The following ADK variants were observed in gnomAD, a reference collection of about 807,000 sequenced individuals.
The protein encoded by ADK is N6,N6-dimethyladenosine kinase.
ADK carries 24 observed loss-of-function variants against 44.7 expected under a neutral mutation model. The observed-to-expected ratio is 0.54, with a 90% CI of 0.39 to 0.76. The LOEUF (loss-of-function observed/expected upper bound fraction) is 0.76, where lower values mean the gene tolerates loss of function less well. Ranked by LOEUF, ADK falls within the 30% of genes least tolerant of loss-of-function variation. The pLI is 0.00. For missense variants in ADK, 321 were observed against 425.1 expected, an observed-to-expected ratio of 0.76 and a Z score of 2.15; for synonymous variants, 128 against 142.6, an observed-to-expected ratio of 0.90 and a Z score of 0.73.
At chr10:74,441,172 C>T (rs1461230157) in intron 6 of ADK, among the ~76,000 whole-genome samples, 3 of 152,134 alleles carry the variant, frequency 2.0e-5, no homozygotes, top group Non-Finnish European at 2.9e-5. Flanking sequence ...TTTTAATAAG[C>T]ACTTGAAAAG....
intron 1 of ADK, among the ~76,000 whole-genome samples, chr10:74,156,873 G>A (rs1164025098): frequency 6.6e-6 from 1 of 152,144 alleles, no homozygotes; most frequent in Non-Finnish European, 1.5e-5. Flanking sequence ...AAAAGGAAAG[G>A]AAAAGATATA....
intron 1 of ADK, chr10:74,176,673 G>A (rs1842350037): frequency 1.4e-6 from 2 of 1,429,760 alleles, no homozygotes; most frequent in Non-Finnish European, 1.8e-6. Context: ...CCCTTCGCAC[G>A]GGGCGGAGCG....
chr10:74,396,748 G>A (rs1843527143), intron 5 of ADK, among the ~76,000 whole-genome samples: 1 of 88,816 alleles, frequency 1.1e-5, no homozygotes, highest in African/African-American at 2.8e-5. Flanking sequence ...GAGGCCAGGA[G>A]TTTGAGACCA....
intron 4 of ADK, among the ~76,000 whole-genome samples, chr10:74,385,592 G>C (rs1200949570): frequency 2.0e-5 from 3 of 152,098 alleles, no homozygotes; most frequent in Non-Finnish European, 4.4e-5. Context: ...ACAAATATTG[G>C]TGGAATGAAT....
intron 10 of ADK, among the ~76,000 whole-genome samples, chr10:74,677,425 C>G (rs1855432210): frequency 6.6e-6 from 1 of 152,156 alleles, no homozygotes; most frequent in African/African-American, 2.4e-5. Context: ...CTATCCTCAC[C>G]TTGTTTCTTT....
chr10:74,484,394 T>C (rs2133365154), intron 6 of ADK, among the ~76,000 whole-genome samples: 1 of 152,308 alleles, frequency 6.6e-6, no homozygotes, highest in South Asian at 2.1e-4. Context: ...AATAAACACG[T>C]GATTCGGATG....
chr10:74,365,033 T>C (rs946411075), intron 4 of ADK, among the ~76,000 whole-genome samples: 2 of 152,318 alleles, frequency 1.3e-5, no homozygotes, highest in East Asian at 3.9e-4. Context: ...AAACAAATTT[T>C]GTAATACCAT....
intron 4 of ADK, among the ~76,000 whole-genome samples, chr10:74,345,948 G>A (rs1480829987): frequency 6.6e-6 from 1 of 152,164 alleles, no homozygotes. Context: ...AGGCTGAAGT[G>A]CAGTGGTGTG....
intron 4 of ADK, among the ~76,000 whole-genome samples, chr10:74,358,590 C>G (rs1009300335): frequency 2.0e-5 from 3 of 152,174 alleles, no homozygotes; most frequent in African/African-American, 4.8e-5. Flanking sequence ...TCCATACCCA[C>G]GTAAGTAGAT....
At chr10:74,247,378 A>C (rs2132323831) in intron 3 of ADK, among the ~76,000 whole-genome samples, 1 of 151,648 alleles carries the variant, frequency 6.6e-6, no homozygotes, top group South Asian at 2.1e-4. Context: ...ACCTGGGACT[A>C]CAGGCACGTG....
At chr10:74,635,921 C>CAAAAAAAA (rs11294383) in intron 9 of ADK, among the ~76,000 whole-genome samples, 1 of 129,608 alleles carries the variant, frequency 7.7e-6, no homozygotes. Flanking sequence ...CCATCTCTAC[C>CAAAAAAAA]AAAAAAAAAA....
chr10:74,700,088 T>G (rs1281627196), intron 10 of ADK, among the ~76,000 whole-genome samples: 2 of 152,334 alleles, frequency 1.3e-5, no homozygotes, highest in East Asian at 3.9e-4. Context: ...TTTTATTCAT[T>G]GTAGCATTGT....
At chr10:74,460,455 T>C (rs1267376809) in intron 6 of ADK, among the ~76,000 whole-genome samples, 3 of 152,222 alleles carry the variant, frequency 2.0e-5, no homozygotes, top group Non-Finnish European at 4.4e-5. Flanking sequence ...GTATTATTGC[T>C]TGTAATACCT....
At chr10:74,245,584 TTTTG>T (rs1171576159) in intron 3 of ADK, among the ~76,000 whole-genome samples, 2 of 84,784 alleles carry the variant, frequency 2.4e-5, no homozygotes, top group African/African-American at 9.6e-5. Context: ...ATTCCATAGT[TTTTG>T]TTTTTGTTTT....
At chr10:74,474,445 CTTTCT>C (rs1025827462) in intron 6 of ADK, among the ~76,000 whole-genome samples, 2 of 151,764 alleles carry the variant, frequency 1.3e-5, no homozygotes, top group African/African-American at 4.9e-5. Context: ...TCTTTTCTTT[CTTTCT>C]TTTCTTTTCC....
intron 9 of ADK, among the ~76,000 whole-genome samples, chr10:74,617,296 G>A (rs145525065): frequency 8.4e-4 from 128 of 152,196 alleles, no homozygotes; most frequent in African/African-American, 2.9e-3. Context: ...AAAGGATAAT[G>A]TTTGCTATAG....
chr10:74,219,412 T>G (rs997699821), intron 2 of ADK, among the ~76,000 whole-genome samples: 2 of 152,090 alleles, frequency 1.3e-5, no homozygotes, highest in Admixed American at 1.3e-4. Flanking sequence ...TCCCACACAT[T>G]AATAATGGGA....
chr10:74,603,066 A>C (rs749711490), intron 9 of ADK, among the ~76,000 whole-genome samples: 6 of 152,074 alleles, frequency 3.9e-5, no homozygotes, highest in Non-Finnish European at 8.8e-5. Context: ...AAGAGATGCC[A>C]ATTTGTTATT....
intron 1 of ADK, among the ~76,000 whole-genome samples, chr10:74,193,061 A>G (rs1263985206): frequency 1.3e-5 from 2 of 152,092 alleles, no homozygotes; most frequent in Non-Finnish European, 2.9e-5. Flanking sequence ...TGGTGTGTAC[A>G]TATTTTGTAT....
Sources: allele counts gnomAD v4.1 joint callset (sites outside exome capture counted in the v4.1 genomes callset), GRCh38; gene constraint gnomAD v4.1.1; transcripts MANE v1.5; gene names NCBI Gene and HGNC (gene_info 2026-07-23, HGNC 2026-07-21).